The following SLC71A1 variants were observed in gnomAD, a reference collection of about 807,000 sequenced individuals.
SLC71A1 encodes solute carrier family 71 member 1, also known as hippocampus abundant gene transcript 1.
At chr1:100,051,283 T>TG in the SLC71A1 span, among the ~76,000 whole-genome samples, 1 of 151,560 alleles carries the variant, frequency 6.6e-6, no homozygotes, top group Admixed American at 6.6e-5. Context: ...CCCAGCTACT[T>TG]GGGAGGCTGA....
the SLC71A1 span, chr1:100,062,043 C>A: frequency 1.4e-6 from 1 of 718,428 alleles, no homozygotes; most frequent in Non-Finnish European, 2.3e-6. Context: ...CTTTGCATTA[C>A]AAGATTTTTG....
At chr1:100,038,716 C>T in the SLC71A1 span, among the ~76,000 whole-genome samples, 10,386 of 152,304 alleles carry the variant, frequency 0.068, 492 homozygotes, top group African/African-American at 0.14. Flanking sequence ...CGTCGCCGCG[C>T]TTGTCAAGGG....
At chr1:100,069,588 G>A in the SLC71A1 span, 1 of 1,502,474 alleles carries the variant, frequency 6.7e-7, no homozygotes, top group Non-Finnish European at 9.3e-7. Flanking sequence ...ATTCATTAAT[G>A]TTACCTTTTC....
the SLC71A1 span, among the ~76,000 whole-genome samples, chr1:100,048,826 A>G: frequency 6.6e-6 from 1 of 152,184 alleles, no homozygotes; most frequent in Non-Finnish European, 1.5e-5. Context: ...AGACAATACA[A>G]ATGTTTCAAG....
chr1:100,063,029 A>C, the SLC71A1 span, among the ~76,000 whole-genome samples: 1 of 152,150 alleles, frequency 6.6e-6, no homozygotes, highest in Non-Finnish European at 1.5e-5. Context: ...AAAATAGTCT[A>C]ATTAAGCTAT....
chr1:100,050,785 C>G, the SLC71A1 span, among the ~76,000 whole-genome samples: 4 of 152,174 alleles, frequency 2.6e-5, no homozygotes, highest in South Asian at 8.3e-4. Flanking sequence ...GTAATTGTTA[C>G]TATCTATACA....
At chr1:100,038,148 G>C in the SLC71A1 span, 2 of 1,223,392 alleles carry the variant, frequency 1.6e-6, no homozygotes, top group Non-Finnish European at 2.3e-6. Flanking sequence ...GGCTCGGCCC[G>C]GCAGTAGTGG....
chr1:100,061,022 A>C, the SLC71A1 span, among the ~76,000 whole-genome samples: 1 of 152,164 alleles, frequency 6.6e-6, no homozygotes, highest in African/African-American at 2.4e-5. Context: ...GATGAAGGCC[A>C]CTCATGCACA....
At chr1:100,046,282 A>G in the SLC71A1 span, among the ~76,000 whole-genome samples, 5 of 118,096 alleles carry the variant, frequency 4.2e-5, no homozygotes, top group Non-Finnish European at 8.1e-5. Context: ...GCTGGAGTGC[A>G]GTGGCGCAAT....
chr1:100,060,845 T>C, the SLC71A1 span, among the ~76,000 whole-genome samples: 1 of 152,128 alleles, frequency 6.6e-6, no homozygotes. Context: ...TGTAGATTTA[T>C]AGATTTATTC....
the SLC71A1 span, chr1:100,068,295 G>C: frequency 9.4e-7 from 1 of 1,060,858 alleles, no homozygotes; most frequent in African/African-American, 1.6e-5. Context: ...AACATCTTGG[G>C]TTTTTCTTTT....
the SLC71A1 span, among the ~76,000 whole-genome samples, chr1:100,046,700 A>T: frequency 6.6e-6 from 1 of 152,158 alleles, no homozygotes; most frequent in Admixed American, 6.5e-5. Context: ...AACAGTATTG[A>T]TTCTTCCAAT....
At chr1:100,045,418 G>A in the SLC71A1 span, among the ~76,000 whole-genome samples, 2 of 152,028 alleles carry the variant, frequency 1.3e-5, no homozygotes, top group South Asian at 2.1e-4. Flanking sequence ...GGTTTTCTAG[G>A]TATACAGTCA....
At chr1:100,039,956 A>G in the SLC71A1 span, among the ~76,000 whole-genome samples, 5 of 152,198 alleles carry the variant, frequency 3.3e-5, no homozygotes, top group Admixed American at 1.3e-4. Flanking sequence ...TTCTTGTCCT[A>G]TTATTAAGGT....
the SLC71A1 span, among the ~76,000 whole-genome samples, chr1:100,062,876 G>A: frequency 3.5e-4 from 48 of 136,146 alleles, no homozygotes; most frequent in East Asian, 1.0e-2. Context: ...AGGAGTTCAC[G>A]ACCAGCCTGG....
At chr1:100,044,478 T>C in the SLC71A1 span, among the ~76,000 whole-genome samples, 2 of 151,702 alleles carry the variant, frequency 1.3e-5, no homozygotes, top group African/African-American at 4.8e-5. Context: ...AAATATTTTC[T>C]CCAACTGTAT....
chr1:100,052,052 T>C, the SLC71A1 span, among the ~76,000 whole-genome samples: 1 of 152,098 alleles, frequency 6.6e-6, no homozygotes, highest in African/African-American at 2.4e-5. Flanking sequence ...ACTCCTCCAG[T>C]GCTCAGTCTT....
At chr1:100,072,656 T>C in the SLC71A1 span, among the ~76,000 whole-genome samples, 1 of 152,082 alleles carries the variant, frequency 6.6e-6, no homozygotes, top group South Asian at 2.1e-4. Context: ...TATAGTTATG[T>C]AGCTTCTCCC....
At chr1:100,041,046 G>A in the SLC71A1 span, among the ~76,000 whole-genome samples, 5 of 151,976 alleles carry the variant, frequency 3.3e-5, no homozygotes, top group Non-Finnish European at 5.9e-5. Flanking sequence ...ATTCTTTCCC[G>A]TTGTCCTGCT....
Sources: gnomAD v4.1 joint callset for allele counts (sites outside exome capture counted in the v4.1 genomes callset) on GRCh38, gnomAD v4.1.1 for gene constraint, MANE v1.5 for transcripts, NCBI Gene and HGNC (gene_info 2026-07-23, HGNC 2026-07-21) for gene names.